The following MYMX variants were observed in gnomAD, a reference collection of about 807,000 sequenced individuals.
The protein encoded by MYMX is protein myomixer.
chr6:44,214,704 C>T (rs1775766306), upstream of MYMX, among the ~76,000 whole-genome samples: 1 of 152,194 alleles, frequency 6.6e-6, no homozygotes, highest in African/African-American at 2.4e-5. Flanking sequence ...TCCTGAGTAG[C>T]TGGGACTATA....
the MYMX span, among the ~76,000 whole-genome samples, chr6:44,205,979 C>CAAA: frequency 0.084 from 3,857 of 45,776 alleles, 535 homozygotes; most frequent in Non-Finnish European, 0.098. Context: ...GACCCTTTCT[C>CAAA]AAAAAAAAAA....
In MYMX at chr6:44,217,444, T is replaced by A. The variant is rs1309623124; in HGVS notation, c.-22-6T>A. ...TGCAAGCCTAAAGTCTGTGTTGTCTTCCCAGGCACTGACTCACTGGCCCTG... is the reference window on the plus strand; with the variant it reads ...TGCAAGCCTAAAGTCTGTGTTGTCTACCCAGGCACTGACTCACTGGCCCTG... On this transcript the variant is annotated splice_polypyrimidine_tract_variant and splice_region_variant and intron_variant, in intron 1 of 1. Transcript: ENST00000573382. 2 of 399,994 alleles carry A rather than the reference T, an allele frequency of 5.0e-6. No individual in the cohort carries two copies. Among genetic ancestry groups the A allele is most frequent in the East Asian group, 7.1e-5 (2 of 28,096 alleles). The allele number at this position is 399,994 out of a possible 1,614,324, so 24.8% of individuals were successfully genotyped here.
At chr6:44,198,366 C>T in the MYMX span, among the ~76,000 whole-genome samples, 2 of 151,586 alleles carry the variant, frequency 1.3e-5, no homozygotes, top group African/African-American at 2.4e-5. Flanking sequence ...GGGGTTTCAC[C>T]GTGTTAGCCA....
chr6:44,196,017 A>T, the MYMX span, among the ~76,000 whole-genome samples: 1 of 151,972 alleles, frequency 6.6e-6, no homozygotes. Flanking sequence ...ATCTCAGCTC[A>T]CTACAACTTC....
the MYMX span, among the ~76,000 whole-genome samples, chr6:44,202,937 C>T: frequency 9.2e-5 from 14 of 152,160 alleles, no homozygotes; most frequent in East Asian, 7.7e-4. Context: ...CAAGAGGCAG[C>T]GGTGGGGTAG....
the MYMX span, among the ~76,000 whole-genome samples, chr6:44,193,907 C>G: frequency 2.6e-5 from 4 of 152,102 alleles, no homozygotes; most frequent in Non-Finnish European, 4.4e-5. Flanking sequence ...TCACTTGAAC[C>G]CAGGAGGCAG....
rs1775976881 is a variant in MYMX at position 44,218,016 on chromosome 6, C to T, written c.*290C>T. 1 of 293,134 alleles carries T rather than the reference C, an allele frequency of 3.4e-6. No homozygotes were observed. Among genetic ancestry groups the T allele is most frequent in the Non-Finnish European group, 6.3e-6 (1 of 159,062 alleles). 18.2% of individuals were successfully genotyped at this position (293,134 alleles called of 1,614,324 possible). A position where few individuals can be genotyped will look rare whatever the true frequency, so the allele number is the denominator to read the frequency against. On this transcript the variant is annotated 3_prime_UTR_variant, in exon 2 of 2. Transcript: ENST00000573382. ...CCTCAGGCGGGAGGGGAACTAACAC[C>T]CACCCACCCCTGCCCTCCCTGCAAA...
the MYMX span, chr6:44,210,113 T>C: frequency 6.7e-6 from 1 of 148,744 alleles, no homozygotes; most frequent in Non-Finnish European, 1.5e-5. Flanking sequence ...GCCCAGCTAA[T>C]TTTTTGTATT....
At chr6:44,205,871 TTGGGAGGCTGAGG>T in the MYMX span, among the ~76,000 whole-genome samples, 2 of 150,654 alleles carry the variant, frequency 1.3e-5, no homozygotes, top group African/African-American at 4.9e-5. Context: ...TCTCAGCTAC[TTGGGAGGCTGAGG>T]TGGGAGGATC....
the MYMX span, among the ~76,000 whole-genome samples, chr6:44,195,194 AT>A: frequency 6.6e-6 from 1 of 151,594 alleles, no homozygotes; most frequent in Non-Finnish European, 1.5e-5. Context: ...AATTTTTGTA[AT>A]TTTAGTAGAG....
upstream of MYMX, among the ~76,000 whole-genome samples, chr6:44,212,731 G>A (rs1000278368): frequency 6.6e-6 from 1 of 151,844 alleles, no homozygotes; most frequent in Non-Finnish European, 1.5e-5. Flanking sequence ...ATACACTTAT[G>A]CAAAGCTAGA....
At chr6:44,195,079 A>G in the MYMX span, among the ~76,000 whole-genome samples, 1 of 152,006 alleles carries the variant, frequency 6.6e-6, no homozygotes, top group African/African-American at 2.4e-5. Flanking sequence ...GCAGTGGCAC[A>G]AGCTCAGCTC....
chr6:44,211,641 G>C, the MYMX span, among the ~76,000 whole-genome samples: 38 of 142,042 alleles, frequency 2.7e-4, no homozygotes, highest in African/African-American at 8.5e-4. Context: ...TTTTGGACAC[G>C]AAGTCTCACT....
chr6:44,216,405 T>G (rs1326969138), upstream of MYMX, among the ~76,000 whole-genome samples: 1 of 151,956 alleles, frequency 6.6e-6, no homozygotes, highest in African/African-American at 2.4e-5. Context: ...ATCTCAGCAC[T>G]TTGAGAGGTC....
At chr6:44,194,982 T>C in the MYMX span, among the ~76,000 whole-genome samples, 1 of 152,108 alleles carries the variant, frequency 6.6e-6, no homozygotes, top group African/African-American at 2.4e-5. Flanking sequence ...TAACAGTTTG[T>C]CTTATTTCTT....
chr6:44,216,648 G>A (rs1176626240), upstream of MYMX, among the ~76,000 whole-genome samples: 1 of 69,778 alleles, frequency 1.4e-5, no homozygotes, highest in Admixed American at 1.5e-4. Context: ...GCAAAACTCT[G>A]TCTCAAAAAA....
the MYMX span, among the ~76,000 whole-genome samples, chr6:44,203,246 C>A: frequency 6.6e-6 from 1 of 152,138 alleles, no homozygotes; most frequent in South Asian, 2.1e-4. Context: ...AGCCCTGGAA[C>A]CCAGCTGCAC....
the MYMX span, among the ~76,000 whole-genome samples, chr6:44,196,913 G>A: frequency 6.6e-6 from 1 of 151,430 alleles, no homozygotes; most frequent in Non-Finnish European, 1.5e-5. Context: ...AGCTGAGATG[G>A]CGCCATTGCA....
chr6:44,203,082 G>T, the MYMX span, among the ~76,000 whole-genome samples: 2 of 152,348 alleles, frequency 1.3e-5, no homozygotes, highest in Middle Eastern at 3.4e-3. Flanking sequence ...CCAGTGCTTG[G>T]TGGGGCCTCC....
Sources: gnomAD v4.1 joint callset for allele counts (sites outside exome capture counted in the v4.1 genomes callset) on GRCh38, gnomAD v4.1.1 for gene constraint, MANE v1.5 for transcripts, NCBI Gene and HGNC (gene_info 2026-07-23, HGNC 2026-07-21) for gene names.